Variants in ANKS1A observed in about 807,000 individuals in gnomAD.
The protein encoded by ANKS1A is ankyrin repeat and sterile alpha motif domain containing 1A.
A neutral mutation model predicts 120.3 loss-of-function variants in ANKS1A; 55 were observed. The observed-to-expected ratio is 0.46, with a 90% CI of 0.37 to 0.57. The LOEUF (loss-of-function observed/expected upper bound fraction) is 0.57, where lower values mean the gene tolerates loss of function less well. Among genes scored for constraint, ANKS1A ranks in the 20% least tolerant of loss-of-function variants. The pLI, the probability that ANKS1A is intolerant of heterozygous loss-of-function variation, is 0.00. For synonymous variants in ANKS1A, 590 were observed against 604.7 expected, an observed-to-expected ratio of 0.98 and a Z score of 0.36; for missense variants, 1,123 against 1,480.3, an observed-to-expected ratio of 0.76 and a Z score of 3.96.
At chr6:35,048,355 G>A (rs1198200533) in intron 11 of ANKS1A, among the ~76,000 whole-genome samples, 3 of 152,120 alleles carry the variant, frequency 2.0e-5, no homozygotes, top group South Asian at 2.1e-4. Context: ...GACTGAGCCC[G>A]CTCTGTGGAA....
At chr6:35,064,806 C>T (rs906992504) in intron 13 of ANKS1A, among the ~76,000 whole-genome samples, 45 of 152,310 alleles carry the variant, frequency 3.0e-4, no homozygotes, top group Non-Finnish European at 4.0e-4. Context: ...CCTCCACCCC[C>T]GTCCCATCTC....
chr6:35,041,251 A>T (rs1775442661), intron 11 of ANKS1A, among the ~76,000 whole-genome samples: 1 of 152,202 alleles, frequency 6.6e-6, no homozygotes, highest in African/African-American at 2.4e-5. Flanking sequence ...CTCCTAGCAC[A>T]TACACAAAGC....
At chr6:34,991,526 G>GGA (rs1772508797) in intron 9 of ANKS1A, among the ~76,000 whole-genome samples, 7 of 125,000 alleles carry the variant, frequency 5.6e-5, no homozygotes, top group Admixed American at 1.7e-4. Context: ...ACATAGCCGG[G>GGA]AAAAAAAAAA....
intron 2 of ANKS1A, 101 bp downstream of exon 2, chr6:34,967,420 G>C (rs1298202510): frequency 1.7e-6 from 2 of 1,144,660 alleles, no homozygotes; most frequent in Non-Finnish European, 2.5e-6. Flanking sequence ...GAGCTTAGTG[G>C]CTCATGCCTG....
intron 11 of ANKS1A, among the ~76,000 whole-genome samples, chr6:35,035,874 C>T (rs1775141521): frequency 6.6e-6 from 1 of 152,198 alleles, no homozygotes; most frequent in African/African-American, 2.4e-5. Context: ...GAGCCATGTC[C>T]TCAGTGACTG....
At chr6:34,948,784 G>C (rs900073536) in intron 1 of ANKS1A, among the ~76,000 whole-genome samples, 5 of 152,182 alleles carry the variant, frequency 3.3e-5, no homozygotes, top group Admixed American at 6.5e-5. Flanking sequence ...TTGTTTATCT[G>C]TCCACTGGAC....
intron 1 of ANKS1A, among the ~76,000 whole-genome samples, chr6:34,923,261 G>A (rs28360525): frequency 0.15 from 22,817 of 152,176 alleles, 2,054 homozygotes; most frequent in African/African-American, 0.25. Flanking sequence ...GCGAAGCCAC[G>A]GGTGGGGAGT....
At chr6:34,914,415 C>G (rs1321673509) in intron 1 of ANKS1A, among the ~76,000 whole-genome samples, 1 of 152,186 alleles carries the variant, frequency 6.6e-6, no homozygotes, top group Non-Finnish European at 1.5e-5. Flanking sequence ...ATAATCGTCA[C>G]TTCGTAAATC....
chr6:35,021,764 T>C (rs113362105), intron 11 of ANKS1A, among the ~76,000 whole-genome samples: 9,315 of 152,060 alleles, frequency 0.061, 300 homozygotes, highest in Non-Finnish European at 0.071. Context: ...GGCAGGTGGA[T>C]TACCTGAGGT....
chr6:34,937,428 G>C (rs901672272), intron 1 of ANKS1A, among the ~76,000 whole-genome samples: 1 of 151,850 alleles, frequency 6.6e-6, no homozygotes, highest in Admixed American at 6.6e-5. Context: ...TCCTCATCTG[G>C]TAAATGGAGA....
chr6:35,000,308 T>C (rs546631033), intron 10 of ANKS1A, among the ~76,000 whole-genome samples: 1 of 152,094 alleles, frequency 6.6e-6, no homozygotes, highest in South Asian at 2.1e-4. Flanking sequence ...AAACAAGGTC[T>C]TATTAATAGC....
intron 1 of ANKS1A, among the ~76,000 whole-genome samples, chr6:34,903,746 AC>A (rs1400954974): frequency 2.0e-4 from 30 of 152,156 alleles, no homozygotes; most frequent in African/African-American, 7.2e-4. Flanking sequence ...CGATCTCCTG[AC>A]CTTGTGAGCC....
At chr6:35,039,628 C>G (rs1184591315) in intron 11 of ANKS1A, 2 of 456,632 alleles carry the variant, frequency 4.4e-6, no homozygotes, top group African/African-American at 4.0e-5. Flanking sequence ...CACGTGCGTC[C>G]CTGTTGAAGT....
intron 11 of ANKS1A, among the ~76,000 whole-genome samples, chr6:35,022,617 C>T (rs943537130): frequency 1.3e-5 from 2 of 152,178 alleles, no homozygotes; most frequent in Non-Finnish European, 2.9e-5. Context: ...CTGTGTTCTC[C>T]AGTCAAGTCA....
At position 35,083,208 on chromosome 6, in the gene ANKS1A, C is replaced by A. The variant is rs958503990; in HGVS notation, c.2889C>A (p.Asp963Glu). Residue 963 changes from aspartate to glutamate, a missense_variant, in exon 19 of 24, where the codon GAC (aspartate) becomes GAA (glutamate). Transcript: ENST00000360359. Reference sequence around the variant, plus strand: ...TGCGAGGGACAGAATCCACGCAAGACGCCTGTGCCAAGATGCGGGTAGGGT... The same window carrying A: ...TGCGAGGGACAGAATCCACGCAAGAAGCCTGTGCCAAGATGCGGGTAGGGT... ...KDLRGTESTQ[D>E]ACAKMRKSTE... is the part of the protein sequence containing the mutation. The A allele has an allele frequency of 6.2e-7, 1 of 1,614,018 alleles. No homozygotes were observed. The highest frequency in any genetic ancestry group is 1.1e-5 in the South Asian group (1 of 91,078).
chr6:34,919,353 T>G (rs960968523), intron 1 of ANKS1A, among the ~76,000 whole-genome samples: 1 of 152,210 alleles, frequency 6.6e-6, no homozygotes, highest in African/African-American at 2.4e-5. Context: ...TACTGTGTCT[T>G]TGAGACTTTT....
chr6:35,054,818 G>C (rs1001975394), intron 12 of ANKS1A, among the ~76,000 whole-genome samples: 1 of 152,220 alleles, frequency 6.6e-6, no homozygotes, highest in Admixed American at 6.5e-5. Flanking sequence ...ATTGTGCTGT[G>C]TTGCTTTCTC....
chr6:35,022,399 G>T lies in ANKS1A; in HGVS notation c.2010+4340G>T, dbSNP rs559097824. Among the ~76,000 whole-genome samples, 13 of 152,288 alleles carry T rather than the reference G, an allele frequency of 8.5e-5. No individual in the cohort carries two copies. The East Asian group carries it at 2.5e-3, about 29-fold the overall frequency. ...AAATACAGACTGCTCCTTATTGTGG[G>T]TTAATGCAGCCCTGTTGAACTACCC... On this transcript the variant is annotated intron_variant, in intron 11 of 23. Transcript: ENST00000360359.
intron 1 of ANKS1A, among the ~76,000 whole-genome samples, chr6:34,955,157 G>A (rs1234669558): frequency 6.8e-6 from 1 of 146,164 alleles, no homozygotes; most frequent in African/African-American, 2.5e-5. Context: ...TTTTTTTTGA[G>A]ACAGAGTCTG....
Sources: allele counts gnomAD v4.1 joint callset (sites outside exome capture counted in the v4.1 genomes callset), GRCh38; gene constraint gnomAD v4.1.1; transcripts MANE v1.5; gene names NCBI Gene and HGNC (gene_info 2026-07-23, HGNC 2026-07-21).